The following RAB11FIP4 variants were observed in gnomAD, a reference collection of about 807,000 sequenced individuals.
RAB11FIP4 encodes the protein RAB11 family interacting protein 4.
In RAB11FIP4, 23 loss-of-function variants were observed where a neutral mutation model predicts 74.3. That is an observed-to-expected ratio of 0.31 (90% CI 0.22 to 0.44). RAB11FIP4 has a LOEUF of 0.44. Among genes scored for constraint, RAB11FIP4 ranks in the 20% least tolerant of loss-of-function variants. The pLI, the probability that RAB11FIP4 is intolerant of heterozygous loss-of-function variation, is 1.00. For missense variants in RAB11FIP4, 630 were observed against 863.9 expected, an observed-to-expected ratio of 0.73 and a Z score of 3.39; for synonymous variants, 360 against 359.9, an observed-to-expected ratio of 1.00 and a Z score of 0.00.
intron 1 of RAB11FIP4, among the ~76,000 whole-genome samples, chr17:31,427,915 G>A (rs1035456163): frequency 2.6e-5 from 4 of 152,200 alleles, no homozygotes; most frequent in Non-Finnish European, 5.9e-5. Flanking sequence ...TGGCTGGGGG[G>A]AGGGGGCAGC....
At position 31,391,845 on chromosome 17, in the gene RAB11FIP4, C is replaced by T; in HGVS notation, c.-8C>T. On this transcript the variant is annotated 5_prime_UTR_variant, in exon 1 of 15. Transcript: ENST00000621161. ...GAGGGGTCCGGGCTGAGCTGCGGGC[C>T]GGCCCGGATGGCGGGCGGCGCGGGC... The T allele has an allele frequency of 2.8e-6, 3 of 1,078,264 alleles. No individual in the cohort carries two copies. The highest frequency in any genetic ancestry group is 3.4e-6 in the Non-Finnish European group (3 of 893,000). 66.8% of individuals were successfully genotyped at this position (1,078,264 alleles called of 1,614,324 possible).
intron 10 of RAB11FIP4, chr17:31,527,496 G>GA (rs766822280): frequency 4.3e-4 from 94 of 220,890 alleles, no homozygotes; most frequent in Non-Finnish European, 7.5e-4. Flanking sequence ...AGCTATTCAG[G>GA]AGGCTGAGGC....
chr17:31,436,855 T>A (rs989447308), intron 3 of RAB11FIP4, among the ~76,000 whole-genome samples: 1 of 151,816 alleles, frequency 6.6e-6, no homozygotes, highest in African/African-American at 2.4e-5. Context: ...TGGTGCAATC[T>A]CGGTTCACTG....
intron 1 of RAB11FIP4, among the ~76,000 whole-genome samples, chr17:31,398,902 C>G (rs2070957548): frequency 6.6e-6 from 1 of 152,124 alleles, no homozygotes; most frequent in Non-Finnish European, 1.5e-5. Flanking sequence ...CCCCTTTTTC[C>G]TTCAGCAGGG....
At chr17:31,509,714 T>C (rs1020235896) in intron 3 of RAB11FIP4, among the ~76,000 whole-genome samples, 3 of 152,150 alleles carry the variant, frequency 2.0e-5, no homozygotes, top group African/African-American at 7.2e-5. Context: ...TCTCACAGTA[T>C]GTGGTCAGTC....
intron 1 of RAB11FIP4, among the ~76,000 whole-genome samples, chr17:31,418,463 AT>A (rs71142049): frequency 7.4e-5 from 10 of 134,230 alleles, no homozygotes; most frequent in Admixed American, 7.9e-5. Flanking sequence ...AGTTCCCTTG[AT>A]TTTTTTTTTT....
rs1226328389 is a variant in RAB11FIP4, at chr17:31,527,948, G to A, written c.1356+25G>A. ...GGTGAGCAGCAGATCCAGGCTTGGAGGGGCAGGGCTGGCCATCGGGAGCCT... is the reference window on the plus strand; with the variant it reads ...GGTGAGCAGCAGATCCAGGCTTGGAAGGGCAGGGCTGGCCATCGGGAGCCT... On this transcript the variant is annotated intron_variant, in intron 11 of 14. Coordinates refer to ENST00000621161, the MANE Select transcript of RAB11FIP4 (RefSeq NM_032932.6). 3 of 1,559,480 alleles carry A rather than the reference G, an allele frequency of 1.9e-6. No individual in the cohort carries two copies. The South Asian group carries it at 3.5e-5, about 18-fold the overall frequency.
chr17:31,391,707 A>C lies in RAB11FIP4; in HGVS notation c.-146A>C. The C allele has an allele frequency of 2.1e-6, 1 of 480,676 alleles. No individual in the cohort carries two copies. Among genetic ancestry groups the C allele is most frequent in the Non-Finnish European group, 2.7e-6 (1 of 374,038 alleles). The allele number at this position is 480,676 out of a possible 1,614,324, so 29.8% of individuals were successfully genotyped here. ...CTGGGGCTGCGGCGCCGCTGCTGAC[A>C]CGGATCGGCCGCGGCCGCCACCGGG... On this transcript the variant is annotated 5_prime_UTR_variant, in exon 1 of 15. Transcript: ENST00000621161.
chr17:31,410,410 T>C (rs1349591504), intron 1 of RAB11FIP4, among the ~76,000 whole-genome samples: 1 of 152,102 alleles, frequency 6.6e-6, no homozygotes, highest in Non-Finnish European at 1.5e-5. Context: ...TGGTATTGCA[T>C]AGTAGAAAAT....
At chr17:31,401,085 G>A (rs1252027608) in intron 1 of RAB11FIP4, among the ~76,000 whole-genome samples, 4 of 152,218 alleles carry the variant, frequency 2.6e-5, no homozygotes, top group African/African-American at 2.4e-5. Context: ...TGGCTAACAC[G>A]GTGAAACCCC....
At chr17:31,400,386 C>T (rs113280719) in intron 1 of RAB11FIP4, among the ~76,000 whole-genome samples, 5 of 152,168 alleles carry the variant, frequency 3.3e-5, no homozygotes, top group Non-Finnish European at 5.9e-5. Flanking sequence ...ACAGTGAGCC[C>T]GAAGACAAGG....
In RAB11FIP4 at chr17:31,512,854, C is replaced by G. The variant is rs1475592021; in HGVS notation, c.337-4797C>G. Among the ~76,000 whole-genome samples the G allele has an allele frequency of 6.6e-6, 1 of 152,102 alleles. No homozygotes were observed. Among genetic ancestry groups the G allele is most frequent in the Non-Finnish European group, 1.5e-5 (1 of 68,008 alleles). ...GCCGTGTGTGGACTCCTTTTTCACA[C>G]AGCAGGCGGGAATGGGCAGGAAACC... is the stretch of plus-strand genomic sequence containing the variant. On this transcript the variant is annotated intron_variant, in intron 3 of 14. Coordinates refer to ENST00000621161, the MANE Select transcript of RAB11FIP4 (RefSeq NM_032932.6). This position sits in a 1 kb window ranked among gnomAD's most constrained non-coding sequence, Gnocchi z 4.1.
intron 3 of RAB11FIP4, among the ~76,000 whole-genome samples, chr17:31,453,177 C>T (rs1042325384): frequency 1.3e-5 from 2 of 151,804 alleles, no homozygotes; most frequent in Non-Finnish European, 2.9e-5. Flanking sequence ...ATAGAGAGAC[C>T]CCATATCTAC....
intron 7 of RAB11FIP4, chr17:31,522,773 A>C (rs1175791670): frequency 7.4e-6 from 2 of 270,824 alleles, no homozygotes; most frequent in African/African-American, 2.2e-5. Context: ...TCTGGGCATG[A>C]GTGTGCGCCA....
intron 3 of RAB11FIP4, chr17:31,509,579 G>C (rs2072414961): frequency 6.6e-6 from 1 of 152,334 alleles, no homozygotes; most frequent in Admixed American, 6.5e-5. Context: ...GAGTTTAGCT[G>C]GAGGAATGGG....
At chr17:31,428,981 T>TG (rs2071280414) in intron 1 of RAB11FIP4, among the ~76,000 whole-genome samples, 4 of 151,430 alleles carry the variant, frequency 2.6e-5, no homozygotes, top group South Asian at 2.1e-4. Context: ...TGATGATGAT[T>TG]ATTATTATTA....
At chr17:31,439,442 G>A (rs746620172) in intron 3 of RAB11FIP4, among the ~76,000 whole-genome samples, 8 of 152,180 alleles carry the variant, frequency 5.3e-5, no homozygotes, top group Non-Finnish European at 8.8e-5. Context: ...CATTGCTGCC[G>A]TCCTCTGTGC....
At chr17:31,523,158 C>T (rs991565911) in intron 7 of RAB11FIP4, 2 of 335,152 alleles carry the variant, frequency 6.0e-6, no homozygotes, top group African/African-American at 4.2e-5. Flanking sequence ...GCTGGGCTAC[C>T]TCCTTGGGGG....
rs2072932755 is a variant in RAB11FIP4, at chr17:31,534,899, A to G, written c.*3167A>G. ...TTGGAAGCCACGCAAAATGAACTGAACCAGGAGTGAGCTTCGTGTACATTA... is the reference window on the plus strand; with the variant it reads ...TTGGAAGCCACGCAAAATGAACTGAGCCAGGAGTGAGCTTCGTGTACATTA... On this transcript the variant is annotated 3_prime_UTR_variant, in exon 15 of 15. Transcript: ENST00000621161. The G allele has an allele frequency of 6.5e-6, 1 of 154,342 alleles. No individual in the cohort carries two copies. Among genetic ancestry groups the G allele is most frequent in the Non-Finnish European group, 1.5e-5 (1 of 68,210 alleles). The allele number at this position is 154,342 out of a possible 1,614,324, so 9.6% of individuals were successfully genotyped here. A position where few individuals can be genotyped will look rare whatever the true frequency, so the allele number is the denominator to read the frequency against.
Sources: allele counts gnomAD v4.1 joint callset (sites outside exome capture counted in the v4.1 genomes callset), GRCh38; gene constraint gnomAD v4.1.1; non-coding constraint Gnocchi (gnomAD v3.1); transcripts MANE v1.5; gene names NCBI Gene and HGNC (gene_info 2026-07-23, HGNC 2026-07-21).